ANKDD1A: variants seen among roughly 807,000 people sequenced by gnomAD.
The protein encoded by ANKDD1A is ankyrin repeat and death domain containing 1A.
Under a neutral mutation model 63.5 loss-of-function variants are expected in ANKDD1A, and 59 were observed. The observed-to-expected ratio is 0.93, with a 90% confidence interval of 0.75 to 1.15. The LOEUF is 1.15. ANKDD1A is among the 50% of genes most tolerant of loss of function. The pLI is 0.00. For synonymous variants in ANKDD1A, 266 were observed against 263.9 expected, an observed-to-expected ratio of 1.01 and a Z score of -0.08; for missense variants, 632 against 656.4, an observed-to-expected ratio of 0.96 and a Z score of 0.41.
At position 64,912,573 on chromosome 15, in the gene ANKDD1A, A is replaced by C. The variant is rs115073692; in HGVS notation, c.34+609A>C. 3.0e-3 allele frequency among the ~76,000 whole-genome samples: 453 copies of C among 152,308 alleles called. 1 individual carries two copies. Among genetic ancestry groups the C allele is most frequent in the African/African-American group, 0.01 (432 of 41,572 alleles). On this transcript the variant is annotated intron_variant, in intron 1 of 14. Coordinates refer to ENST00000319580, the MANE Select transcript of ANKDD1A (RefSeq NM_182703.6). ...GAGTGCGCCCAGTGCCAGGGCCTCT[A>C]GGCCGGGCAGCAGCGTCTGTGTGGG...
Position 64,951,344 on chromosome 15 carries a change from TTTCC to T in ANKDD1A, c.1483+1374_1483+1377del, listed in dbSNP as rs2085270434. On this transcript the variant is annotated intron_variant, in intron 14 of 14. Coordinates refer to ENST00000319580, the MANE Select transcript of ANKDD1A (RefSeq NM_182703.6). ...TCTTCTTTCCTCTTTTTCTTTCTTC[TTTCC>T]TCTTCTTTCTTCTTCCTCTTTCTTC... 32 of 542,494 alleles carry T rather than the reference TTTCC, an allele frequency of 5.9e-5. No individual in the cohort carries two copies. The South Asian group carries it at 1.1e-3, about 18-fold the overall frequency. 33.6% of individuals were successfully genotyped at this position (542,494 alleles called of 1,614,324 possible). A position where few individuals can be genotyped will look rare whatever the true frequency, so the allele number is the denominator to read the frequency against.
intron 11 of ANKDD1A, among the ~76,000 whole-genome samples, chr15:64,944,146 C>T (rs1175754306): frequency 6.6e-6 from 1 of 152,184 alleles, no homozygotes; most frequent in Non-Finnish European, 1.5e-5. Context: ...TGGGAGGGGG[C>T]CCCTTCTTTG....
intron 14 of ANKDD1A, among the ~76,000 whole-genome samples, chr15:64,954,718 TCTCCTC>T (rs200945819): frequency 9.2e-5 from 13 of 141,136 alleles, no homozygotes; most frequent in African/African-American, 3.2e-4. Context: ...TTCTTCTCCT[TCTCCTC>T]CTCCTTCTTC....
At chr15:64,950,264 C>G in intron 14 of ANKDD1A, 3 of 985,070 alleles carry the variant, frequency 3.0e-6, no homozygotes, top group Non-Finnish European at 3.6e-6. Flanking sequence ...CCCTCTATAC[C>G]TTGACATTTT....
intron 14 of ANKDD1A, among the ~76,000 whole-genome samples, chr15:64,953,644 T>C (rs1446319103): frequency 4.5e-5 from 3 of 67,368 alleles, no homozygotes; most frequent in African/African-American, 1.2e-4. Context: ...CTTCTTCCTC[T>C]TCCTTCTCCT....
intron 4 of ANKDD1A, among the ~76,000 whole-genome samples, chr15:64,924,524 A>G (rs964048267): frequency 3.3e-5 from 5 of 152,244 alleles, no homozygotes; most frequent in Non-Finnish European, 7.3e-5. Flanking sequence ...CATCTTACCT[A>G]TAGATGCCAC....
intron 14 of ANKDD1A, among the ~76,000 whole-genome samples, chr15:64,954,640 T>TTCG (rs2085392808): frequency 1.4e-5 from 1 of 71,296 alleles, no homozygotes; most frequent in East Asian, 2.7e-4. Context: ...CCTTTTCTTC[T>TTCG]TCCTTCTTCT....
chr15:64,926,149 G>T lies in ANKDD1A; in HGVS notation c.450G>T (p.Val150=), dbSNP rs556174660. The change falls in exon 5 of 15, where the codon GTG becomes GTT. Residue 150 remains valine (V), a synonymous_variant. Transcript: ENST00000319580. ...TCATAATGGAGGACCTGGAGGATGTGGCCCTGGACCACGTAGACAAGGTGA... is the reference window on the plus strand; with the variant it reads ...TCATAATGGAGGACCTGGAGGATGTTGCCCTGGACCACGTAGACAAGGTGA... ...LAFIMEDLED[V]ALDHVDKLGR... 2.2e-5 allele frequency: 36 copies of T among 1,614,002 alleles called. No individual in the cohort carries two copies. The South Asian group carries it at 3.6e-4, about 16-fold the overall frequency.
chr15:64,936,727 C>G (rs2085136539), intron 9 of ANKDD1A, among the ~76,000 whole-genome samples: 1 of 151,946 alleles, frequency 6.6e-6, no homozygotes, highest in Non-Finnish European at 1.5e-5. Flanking sequence ...GCCTGTAGTC[C>G]CAGATCCTCT....
intron 14 of ANKDD1A, among the ~76,000 whole-genome samples, chr15:64,955,788 G>A (rs2085411695): frequency 6.6e-6 from 1 of 152,152 alleles, no homozygotes; most frequent in Non-Finnish European, 1.5e-5. Context: ...GCCTGATGGG[G>A]TGCACAGGGC....
chr15:64,919,925 T>C (rs2084996558), intron 3 of ANKDD1A: 1 of 152,452 alleles, frequency 6.6e-6, no homozygotes, highest in Non-Finnish European at 1.5e-5. Context: ...CCCGCCTGTT[T>C]CTAAAGCAAA....
intron 1 of ANKDD1A, among the ~76,000 whole-genome samples, chr15:64,912,810 CA>C (rs2084941525): frequency 6.6e-6 from 1 of 152,226 alleles, no homozygotes; most frequent in South Asian, 2.1e-4. Context: ...TGCATCTACT[CA>C]GCTGAGGGAT....
In ANKDD1A at chr15:64,926,102, G is replaced by A; in HGVS notation, c.403G>A (p.Gly135Ser). 6.2e-7 allele frequency: 1 copy of A among 1,614,012 alleles called. No homozygotes were observed. The highest frequency in any genetic ancestry group is 8.5e-7 in the Non-Finnish European group (1 of 1,179,966). ...LTLLHCAAQK[G>S]HVPVLAFIME... ...CTTACTGCACTGCGCAGCCCAAAAAGGCCATGTGCCTGTGCTGGCGTTCAT... is the reference window on the plus strand; with the variant it reads ...CTTACTGCACTGCGCAGCCCAAAAAAGCCATGTGCCTGTGCTGGCGTTCAT... Residue 135 changes from glycine to serine, a missense_variant, in exon 5 of 15, where the codon GGC (glycine) becomes AGC (serine). Coordinates refer to ENST00000319580, the MANE Select transcript of ANKDD1A (RefSeq NM_182703.6).
At chr15:64,951,569 C>CTTTTTCTTTTTTCTTT (rs1469623465) in intron 14 of ANKDD1A, 6 of 8,108 alleles carry the variant, frequency 7.4e-4, no homozygotes, top group African/African-American at 1.3e-3. Flanking sequence ...TTTTTCTTTT[C>CTTTTTCTTTTTTCTTT]TTTCTTCTTC....
rs1167622182 is a variant in ANKDD1A at position 64,951,397 on chromosome 15, CTT to C, written c.1483+1430_1483+1431del. On this transcript the variant is annotated intron_variant, in intron 14 of 14. Transcript: ENST00000319580. Reference sequence around the variant, plus strand: ...TCTTTCTTTTTCTTTTCTTCTTCCTCTTTTTTCTTTTTTCTTTTCTTCCTCTT... The same window carrying C: ...TCTTTCTTTTTCTTTTCTTCTTCCTCTTTTCTTTTTTCTTTTCTTCCTCTT... The C allele has an allele frequency of 3.6e-5, 6 of 168,900 alleles. 1 individual carries two copies. In the African/African-American group the frequency reaches 3.7e-4, roughly 11 times the overall value. The allele number at this position is 168,900 out of a possible 1,614,324, so 10.5% of individuals were successfully genotyped here.
At chr15:64,954,588 T>TTCCTTCTTC (rs141939170) in intron 14 of ANKDD1A, among the ~76,000 whole-genome samples, 1 of 145,912 alleles carries the variant, frequency 6.9e-6, no homozygotes, top group Admixed American at 6.9e-5. Flanking sequence ...TTCCTTATTC[T>TTCCTTCTTC]TCCTTCTTCT....
intron 6 of ANKDD1A, among the ~76,000 whole-genome samples, chr15:64,929,687 C>T (rs972952724): frequency 7.2e-5 from 11 of 152,208 alleles, no homozygotes; most frequent in Admixed American, 7.2e-4. Flanking sequence ...ACCTGAAGAC[C>T]CTCCTACATT....
intron 3 of ANKDD1A, among the ~76,000 whole-genome samples, chr15:64,918,206 A>C (rs2084984231): frequency 6.6e-6 from 1 of 152,248 alleles, no homozygotes. Context: ...CTACCAAAAA[A>C]TACAAAAATT....
intron 7 of ANKDD1A, among the ~76,000 whole-genome samples, 157 bp downstream of exon 7, chr15:64,931,077 A>G (rs1465676433): frequency 6.6e-6 from 1 of 152,104 alleles, no homozygotes; most frequent in African/African-American, 2.4e-5. Context: ...GCAGCACTGA[A>G]CTCCAGGCTT....
Sources: allele counts gnomAD v4.1 joint callset (sites outside exome capture counted in the v4.1 genomes callset), GRCh38; gene constraint gnomAD v4.1.1; transcripts MANE v1.5; gene names NCBI Gene and HGNC (gene_info 2026-07-23, HGNC 2026-07-21).